The following SLU7 variants were observed in gnomAD, a reference collection of about 807,000 sequenced individuals.
SLU7 encodes spliceosome associated SLU7, also known as pre-mRNA-splicing factor SLU7.
SLU7 carries 60 observed loss-of-function variants against 87.0 expected under a neutral mutation model. The observed-to-expected ratio is 0.69, with a 90% CI of 0.56 to 0.86. The LOEUF (loss-of-function observed/expected upper bound fraction) is 0.86, where lower values mean the gene tolerates loss of function less well. SLU7 is among the 40% of genes least tolerant of loss of function. The pLI is 0.00. For synonymous variants in SLU7, 197 were observed against 222.0 expected, an observed-to-expected ratio of 0.89 and a Z score of 1.00; for missense variants, 507 against 686.6, an observed-to-expected ratio of 0.74 and a Z score of 2.92.
intron 4 of SLU7, 80 bp from the exon 5 acceptor site, chr5:160,413,700 G>T: frequency 7.9e-7 from 1 of 1,270,348 alleles, no homozygotes; most frequent in South Asian, 1.4e-5. Context: ...TACAGAGTGG[G>T]CACTTTACGA....
intron 11 of SLU7, 138 bp from the exon 12 acceptor site, chr5:160,406,767 A>T: frequency 1.5e-6 from 1 of 689,620 alleles, no homozygotes; most frequent in Non-Finnish European, 2.3e-6. Flanking sequence ...AGTAGGAAAA[A>T]AAAAGCCACA....
At chr5:160,412,319 TCA>T (rs1765269423) in intron 6 of SLU7, 130 bp downstream of exon 6, 3 of 622,140 alleles carry the variant, frequency 4.8e-6, no homozygotes, top group East Asian at 5.7e-5. Context: ...ATACAAAGTA[TCA>T]GTTTTATTTT....
rs946023672 is a variant in SLU7, at chr5:160,401,667, A to G, written c.*1618T>C. On this transcript the variant is annotated 3_prime_UTR_variant, in exon 16 of 16. Coordinates refer to ENST00000297151, the MANE Select transcript of SLU7 (RefSeq NM_006425.5). ...CACAGTTAAGTATTGTCATTTATGT[A>G]TCTTTAACAAAAGATAAAATACAAA... 6.6e-6 allele frequency: 1 copy of G among 152,240 alleles called. No individual in the cohort carries two copies. Among genetic ancestry groups the G allele is most frequent in the African/African-American group, 2.4e-5 (1 of 41,468 alleles). The allele number at this position is 152,240 out of a possible 1,614,324, so 9.4% of individuals were successfully genotyped here.
intron 8 of SLU7, 115 bp from the exon 9 acceptor site, chr5:160,408,183 G>A (rs1382629211): frequency 8.8e-7 from 1 of 1,132,556 alleles, no homozygotes; most frequent in Admixed American, 2.2e-5. Flanking sequence ...TACATTTCTG[G>A]GGTTCAGGTG....
At position 160,408,648 on chromosome 5, in the gene SLU7, AC is replaced by A. The variant is rs1765105697; in HGVS notation, c.687+1del. 3 of 1,554,144 alleles carry A rather than the reference AC, an allele frequency of 1.9e-6. No individual in the cohort carries two copies. In the South Asian group the frequency reaches 3.4e-5, roughly 18 times the overall value. Reference sequence around the variant, plus strand: ...TACTCAGAGACAGCAAATATGTATTACCATCTGAGAATTTGGTTCCTCTTCT... The same window carrying A: ...TACTCAGAGACAGCAAATATGTATTACATCTGAGAATTTGGTTCCTCTTCT... On this transcript the variant is annotated splice_donor_variant, in intron 7 of 15. Coordinates refer to ENST00000297151, the MANE Select transcript of SLU7 (RefSeq NM_006425.5). LOFTEE classifies it high-confidence loss of function.
At chr5:160,408,601 A>T in intron 7 of SLU7, 49 bp downstream of exon 7, 1 of 1,423,994 alleles carries the variant, frequency 7.0e-7, no homozygotes, top group East Asian at 2.3e-5. Flanking sequence ...ATTAGCCATC[A>T]GAAATTTAAA....
chr5:160,403,927 CAAG>C (rs1054381119), intron 15 of SLU7, among the ~76,000 whole-genome samples: 3 of 152,164 alleles, frequency 2.0e-5, no homozygotes, highest in African/African-American at 7.2e-5. Flanking sequence ...CTAAATACTC[CAAG>C]AAGAAGGCAA....
chr5:160,414,119 A>G (rs1202968734), intron 3 of SLU7, 140 bp from the exon 4 acceptor site: 3 of 680,862 alleles, frequency 4.4e-6, no homozygotes, highest in African/African-American at 1.9e-5. Context: ...ACATTTATAA[A>G]TGTGAAACTT....
chr5:160,416,179 C>A (rs1004390769), intron 1 of SLU7, among the ~76,000 whole-genome samples: 3 of 152,176 alleles, frequency 2.0e-5, no homozygotes, highest in African/African-American at 7.2e-5. Context: ...CAGGCGTGAG[C>A]CACTGTGCCT....
rs890089047 is a variant in SLU7 at position 160,407,133 on chromosome 5, A to G, written c.1125+343T>C. On this transcript the variant is annotated intron_variant, in intron 11 of 15. Coordinates refer to ENST00000297151, the MANE Select transcript of SLU7 (RefSeq NM_006425.5). This position sits in a 1 kb window ranked among gnomAD's most constrained non-coding sequence, Gnocchi z 4.2. ...ATGGGGTGGAGATGAGCTGTCCCAG[A>G]AGAGGTCCCCTTAGGACAATTAGCC... Among the ~76,000 whole-genome samples the G allele has an allele frequency of 2.0e-5, 3 of 152,230 alleles. No homozygotes were observed. The highest frequency in any genetic ancestry group is 1.3e-4 in the Admixed American group (2 of 15,284).
intron 2 of SLU7, among the ~76,000 whole-genome samples, 191 bp from the exon 3 acceptor site, chr5:160,414,663 T>G (rs1765378919): frequency 6.6e-6 from 1 of 151,940 alleles, no homozygotes. Context: ...TATTTTAGAG[T>G]GAAAATATTT....
At chr5:160,406,718 A>ATGTTCCCTTTCTTTCTG in intron 11 of SLU7, 89 bp from the exon 12 acceptor site, 1 of 1,099,520 alleles carries the variant, frequency 9.1e-7, no homozygotes, top group Non-Finnish European at 1.3e-6. Flanking sequence ...ATCAGAAAGA[A>ATGTTCCCTTTCTTTCTG]AGGGAACATT....
chr5:160,402,365 T>C lies in SLU7; in HGVS notation c.*920A>G, dbSNP rs1764817487. Reference sequence around the variant, plus strand: ...CAATATTGACCCAATGATGAGAAAATAGTTGTTTTCCATTCAAAGACTAAC... The same window carrying C: ...CAATATTGACCCAATGATGAGAAAACAGTTGTTTTCCATTCAAAGACTAAC... On this transcript the variant is annotated 3_prime_UTR_variant, in exon 16 of 16. Transcript: ENST00000297151. 6.6e-6 allele frequency: 1 copy of C among 151,878 alleles called. No homozygotes were observed. Among genetic ancestry groups the C allele is most frequent in the Non-Finnish European group, 1.5e-5 (1 of 67,976 alleles). 9.4% of individuals were successfully genotyped at this position (151,878 alleles called of 1,614,324 possible). A position where few individuals can be genotyped will look rare whatever the true frequency, so the allele number is the denominator to read the frequency against.
At chr5:160,411,015 G>A (rs994021887) in intron 6 of SLU7, among the ~76,000 whole-genome samples, 5 of 151,608 alleles carry the variant, frequency 3.3e-5, no homozygotes, top group Admixed American at 6.6e-5. Context: ...ACAGGCGCCC[G>A]CCACCGCGAC....
chr5:160,407,854 A>C lies in SLU7; in HGVS notation c.918-41T>G. On this transcript the variant is annotated intron_variant, in intron 9 of 15. Transcript: ENST00000297151. The surrounding 1 kb of genome is among the most constrained non-coding windows in gnomAD (Gnocchi z 4.2). ...AAGAAAATGTTTCAGAGATTGATTT[A>C]AGGAAAATTAATTCGTAAAACTGAA... 6.5e-7 allele frequency: 1 copy of C among 1,546,110 alleles called. No individual in the cohort carries two copies. The highest frequency in any genetic ancestry group is 8.9e-7 in the Non-Finnish European group (1 of 1,120,824).
At chr5:160,414,529 A>G (rs1033513357) in intron 2 of SLU7, 57 bp from the exon 3 acceptor site, 2 of 1,132,458 alleles carry the variant, frequency 1.8e-6, no homozygotes, top group Non-Finnish European at 1.2e-6. Context: ...AATAATCAGT[A>G]TTACAATTAC....
At chr5:160,406,441 A>G (rs1373645418) in intron 12 of SLU7, 27 bp downstream of exon 12, 1 of 1,557,040 alleles carries the variant, frequency 6.4e-7, no homozygotes, top group Non-Finnish European at 8.7e-7. Context: ...CAACAAGGAC[A>G]CAAAATTGTT....
intron 6 of SLU7, among the ~76,000 whole-genome samples, chr5:160,409,190 T>G (rs926224303): frequency 6.6e-6 from 1 of 152,070 alleles, no homozygotes; most frequent in African/African-American, 2.4e-5. Flanking sequence ...AAGAAAATAT[T>G]ACTGGGTTCA....
Position 160,403,245 on chromosome 5 carries a change from T to C in SLU7, c.*40A>G. 2.1e-6 allele frequency: 3 copies of C among 1,415,380 alleles called. No individual in the cohort carries two copies. Among genetic ancestry groups the C allele is most frequent in the Non-Finnish European group, 2.9e-6 (3 of 1,046,320 alleles). The allele number at this position is 1,415,380 out of a possible 1,614,324, so 87.7% of individuals were successfully genotyped here. On this transcript the variant is annotated 3_prime_UTR_variant, in exon 16 of 16. Transcript: ENST00000297151. Reference sequence around the variant, plus strand: ...CATCAATAAGAAGCTGAAAAGAATGTATCAGCTGCATCTATCTTGGATGGT... The same window carrying C: ...CATCAATAAGAAGCTGAAAAGAATGCATCAGCTGCATCTATCTTGGATGGT...
Sources: gnomAD v4.1 joint callset for allele counts (sites outside exome capture counted in the v4.1 genomes callset) on GRCh38, gnomAD v4.1.1 for gene constraint, Gnocchi (gnomAD v3.1) non-coding constraint, MANE v1.5 for transcripts, NCBI Gene and HGNC (gene_info 2026-07-23, HGNC 2026-07-21) for gene names.